The following STX1B variants were observed in gnomAD, a reference collection of about 807,000 sequenced individuals.
STX1B encodes the protein syntaxin 1B.
A neutral mutation model predicts 39.4 loss-of-function variants in STX1B; 7 were observed. That is an observed-to-expected ratio of 0.18 (90% CI 0.10 to 0.33). The LOEUF is 0.33. STX1B is among the 10% of genes least tolerant of loss of function. STX1B has a pLI of 1.00. For synonymous variants in STX1B, 136 were observed against 144.1 expected, an observed-to-expected ratio of 0.94 and a Z score of 0.40; for missense variants, 198 against 383.2, an observed-to-expected ratio of 0.52 and a Z score of 4.04.
chr16:30,997,367 C>A, intron 5 of STX1B, 135 bp downstream of exon 5: 1 of 800,562 alleles, frequency 1.2e-6, no homozygotes, highest in Non-Finnish European at 2.0e-6. Context: ...CCGCTCTAGC[C>A]TCGCCCCCAG....
At position 31,004,982 on chromosome 16, in the gene STX1B, C is replaced by T. The variant is rs549528813; in HGVS notation, c.31-3379G>A. ...TAAAAAGCCCACTCTGCCATGTCCT[C>T]AGGACTGCTGAACTCCTGCAGCCAG... On this transcript the variant is annotated intron_variant, in intron 1 of 9. Transcript: ENST00000215095. Among the ~76,000 whole-genome samples the T allele has an allele frequency of 2.6e-5, 4 of 152,328 alleles. 1 individual carries two copies. In the South Asian group the frequency reaches 8.3e-4, roughly 32 times the overall value.
Position 30,992,605 on chromosome 16 carries a change from T to C in STX1B, c.*216A>G. 2 of 489,524 alleles carry C rather than the reference T, an allele frequency of 4.1e-6. No homozygotes were observed. Among genetic ancestry groups the C allele is most frequent in the East Asian group, 3.4e-5 (1 of 29,678 alleles). The allele number at this position is 489,524 out of a possible 1,614,324, so 30.3% of individuals were successfully genotyped here. A position where few individuals can be genotyped will look rare whatever the true frequency, so the allele number is the denominator to read the frequency against. ...CCGGCGGCATGCATGTTGGTGTGCA[T>C]GTGTAATCACGCCTGCTGCGATCTA... is the stretch of plus-strand genomic sequence containing the variant. On this transcript the variant is annotated 3_prime_UTR_variant, in exon 10 of 10. Transcript: ENST00000215095.
chr16:30,995,493 C>CTT (rs535108190), intron 7 of STX1B, among the ~76,000 whole-genome samples: 33 of 143,810 alleles, frequency 2.3e-4, no homozygotes, highest in South Asian at 4.5e-4. Flanking sequence ...TCCTTTCTTT[C>CTT]TTTTTTTTTT....
intron 1 of STX1B, among the ~76,000 whole-genome samples, chr16:31,006,543 A>G (rs971466281): frequency 6.6e-6 from 1 of 152,150 alleles, no homozygotes; most frequent in East Asian, 1.9e-4. Flanking sequence ...GGTGAACAAG[A>G]CCATTTCAGA....
Position 31,000,992 on chromosome 16 carries a change from C to T in STX1B, c.216G>A (p.Gln72=), listed in dbSNP as rs779763786. The T allele has an allele frequency of 1.2e-6, 2 of 1,614,174 alleles. No individual in the cohort carries two copies. The highest frequency in any genetic ancestry group is 2.2e-5 in the South Asian group (2 of 91,080). ...TGTCTGCAGTGAGATCCTCCAGCTC[C>T]TGTTTGGTCTCTGAGGGGAGGGCGA... The part of the protein sequence containing the change: ...AAPNPDEKTK[Q]ELEDLTADIK... Residue 72 remains glutamine, a synonymous_variant, in exon 4 of 10, where the codon CAG becomes CAA. Transcript: ENST00000215095.
At chr16:31,007,479 C>G (rs2056660545) in intron 1 of STX1B, among the ~76,000 whole-genome samples, 2 of 152,164 alleles carry the variant, frequency 1.3e-5, no homozygotes. Context: ...TCCTCTGGAG[C>G]CCCACTCTGG....
intron 1 of STX1B, among the ~76,000 whole-genome samples, chr16:31,004,037 C>G (rs1223408468): frequency 6.6e-6 from 1 of 152,208 alleles, no homozygotes; most frequent in Non-Finnish European, 1.5e-5. Flanking sequence ...CTACCTCCCC[C>G]ACTGACTTTC....
At chr16:30,994,889 C>T (rs549847556) in intron 7 of STX1B, among the ~76,000 whole-genome samples, 6 of 39,468 alleles carry the variant, frequency 1.5e-4, no homozygotes, top group East Asian at 4.5e-3. Flanking sequence ...TCAGTCTCCC[C>T]GTCTTTTTTT....
intron 4 of STX1B, 109 bp downstream of exon 4, chr16:31,000,819 G>C: frequency 9.1e-7 from 1 of 1,094,418 alleles, no homozygotes; most frequent in East Asian, 2.4e-5. Flanking sequence ...GGCTGGTGTT[G>C]AACTCCTGGG....
chr16:30,997,560 A>G lies in STX1B; in HGVS notation c.296T>C (p.Ile99Thr). 6.2e-7 allele frequency: 1 copy of G among 1,610,164 alleles called. No individual in the cohort carries two copies. Among genetic ancestry groups the G allele is most frequent in the Non-Finnish European group, 8.5e-7 (1 of 1,178,684 alleles). The part of the protein sequence containing the change: ...RSKLKAIEQS[I>T]EQEEGLNRSS... The stretch of plus-strand genomic sequence containing the variant: ...ACGGTTCAGCCCCTCCTCCTGTTCA[A>G]TGCTTTGCTCGATCGCTGCGGGAGA... Residue 99 changes from isoleucine to threonine, a missense_variant, in exon 5 of 10, where the codon ATT becomes ACT. Physicochemically the swap from Ile to Thr is moderately conservative, Grantham distance 89. Transcript: ENST00000215095.
chr16:30,997,773 G>T (rs941429291), intron 4 of STX1B, among the ~76,000 whole-genome samples, 198 bp from the exon 5 acceptor site: 1 of 152,206 alleles, frequency 6.6e-6, no homozygotes, highest in South Asian at 2.1e-4. Flanking sequence ...CGTTTGAGGG[G>T]GTTCCGAAGG....
chr16:30,993,243 GCAGA>G lies in STX1B; in HGVS notation c.676-7_676-4del, dbSNP rs753809698. The G allele has an allele frequency of 6.2e-7, 1 of 1,613,976 alleles. No individual in the cohort carries two copies. Among genetic ancestry groups the G allele is most frequent in the Admixed American group, 1.7e-5 (1 of 60,024 alleles). Reference sequence around the variant, plus strand: ...TCGATGCGGTCAATCATCTCTCCCTGCAGACAGAGGAGACATGCACAGGGAGGGA... The same window carrying G: ...TCGATGCGGTCAATCATCTCTCCCTGCAGAGGAGACATGCACAGGGAGGGA... On this transcript the variant is annotated splice_polypyrimidine_tract_variant and splice_region_variant and intron_variant, in intron 8 of 9. Transcript: ENST00000215095.
At chr16:31,000,332 G>GTTTTTTTTTTTTTT (rs55729102) in intron 4 of STX1B, among the ~76,000 whole-genome samples, 2 of 123,384 alleles carry the variant, frequency 1.6e-5, no homozygotes, top group African/African-American at 3.0e-5. Context: ...TTTGTTTTTT[G>GTTTTTTTTTTTTTT]TTTTTTTTTT....
intron 1 of STX1B, among the ~76,000 whole-genome samples, chr16:31,005,925 C>T (rs2056653000): frequency 6.6e-6 from 1 of 152,152 alleles, no homozygotes; most frequent in Non-Finnish European, 1.5e-5. Context: ...ACCAGAGCCA[C>T]CACGGGCCTT....
rs2056632092 is a variant in STX1B, at chr16:31,001,906, G to T, written c.31-303C>A. Among the ~76,000 whole-genome samples the T allele has an allele frequency of 6.6e-6, 1 of 152,240 alleles. No individual in the cohort carries two copies. The highest frequency in any genetic ancestry group is 2.4e-5 in the African/African-American group (1 of 41,544). ...GGATGATTTCAATATTTCAACAACG[G>T]CTCAACGTCAGGCTTGCAGTAACTG... On this transcript the variant is annotated intron_variant, in intron 1 of 9. Coordinates refer to ENST00000215095, the MANE Select transcript of STX1B (RefSeq NM_052874.5). This position sits in a 1 kb window ranked among gnomAD's most constrained non-coding sequence, Gnocchi z 5.5.
chr16:30,995,230 G>A (rs544261917), intron 7 of STX1B, among the ~76,000 whole-genome samples: 1 of 152,146 alleles, frequency 6.6e-6, no homozygotes, highest in African/African-American at 2.4e-5. Context: ...CATCCTCCTT[G>A]GCCTCCCAAA....
chr16:30,993,004 G>T, intron 9 of STX1B, 103 bp from the exon 10 acceptor site: 1 of 1,317,080 alleles, frequency 7.6e-7, no homozygotes, highest in Non-Finnish European at 1.1e-6. Flanking sequence ...GAAGAGGGGA[G>T]AGAAAACAGA....
At chr16:30,994,581 C>T (rs1212758997) in intron 7 of STX1B, among the ~76,000 whole-genome samples, 2 of 149,438 alleles carry the variant, frequency 1.3e-5, no homozygotes, top group East Asian at 4.0e-4. Flanking sequence ...CAGAGTGAGA[C>T]CATGCTGAAA....
Position 31,000,943 on chromosome 16 carries a change from G to C in STX1B, c.265C>G (p.Arg89Gly). The change falls in exon 4 of 10, where the codon CGG becomes GGG. Residue 89 changes from arginine (R) to glycine (G), a missense_variant. Arg to Gly is a moderately radical substitution (Grantham distance 125, BLOSUM62 -2). Transcript: ENST00000215095. The stretch of plus-strand genomic sequence containing the variant: ...TACTCCTCACCTTTCAATTTGGACC[G>C]AACCTTGTTGGCCGTCTTCTTGATG... The part of the protein sequence containing the change: ...ADIKKTANKV[R>G]SKLKAIEQSI... 1 of 1,614,084 alleles carries C rather than the reference G, an allele frequency of 6.2e-7. No homozygotes were observed. The highest frequency in any genetic ancestry group is 8.5e-7 in the Non-Finnish European group (1 of 1,180,016).
Sources: allele counts gnomAD v4.1 joint callset (sites outside exome capture counted in the v4.1 genomes callset), GRCh38; gene constraint gnomAD v4.1.1; non-coding constraint Gnocchi (gnomAD v3.1); transcripts MANE v1.5; gene names NCBI Gene and HGNC (gene_info 2026-07-23, HGNC 2026-07-21).